The following PDE3A variants were observed in gnomAD, a reference collection of about 807,000 sequenced individuals.
PDE3A encodes the protein phosphodiesterase 3A, also known as cGMP-inhibited 3',5'-cyclic phosphodiesterase 3A.
Under a neutral mutation model 98.3 loss-of-function variants are expected in PDE3A, and 43 were observed. The ratio of observed to expected loss-of-function variants is 0.44; its 90% CI spans 0.34 to 0.56. PDE3A has a LOEUF of 0.56. Ranked by LOEUF, PDE3A falls within the 20% of genes least tolerant of loss-of-function variation. The pLI is 0.01. For synonymous variants in PDE3A, 663 were observed against 567.9 expected (o/e 1.17, Z -2.38); for missense variants, 1,427 against 1,440.7 (o/e 0.99, Z 0.15).
intron 1 of PDE3A, among the ~76,000 whole-genome samples, chr12:20,545,097 T>G (rs1167924526): frequency 6.6e-6 from 1 of 152,014 alleles, no homozygotes; most frequent in East Asian, 1.9e-4. Flanking sequence ...TTATTAATAG[T>G]CTCCAAAATT....
intron 1 of PDE3A, among the ~76,000 whole-genome samples, chr12:20,377,339 A>G (rs1166328554): frequency 6.6e-6 from 1 of 151,882 alleles, no homozygotes; most frequent in Non-Finnish European, 1.5e-5. Context: ...AATATGCTTT[A>G]TTTAACCCAG....
At chr12:20,370,755 C>G (rs1943458331) in intron 1 of PDE3A, among the ~76,000 whole-genome samples, 1 of 152,102 alleles carries the variant, frequency 6.6e-6, no homozygotes, top group South Asian at 2.1e-4. Flanking sequence ...GCAAAGCAAG[C>G]TGTGCTTGAA....
chr12:20,504,730 C>T (rs1266672446), intron 1 of PDE3A, among the ~76,000 whole-genome samples: 1 of 152,030 alleles, frequency 6.6e-6, no homozygotes, highest in East Asian at 1.9e-4. Flanking sequence ...TTCCTTCTCA[C>T]ATCACATCAC....
intron 2 of PDE3A, among the ~76,000 whole-genome samples, chr12:20,604,542 A>G (rs1943667851): frequency 6.6e-6 from 1 of 152,196 alleles, no homozygotes; most frequent in Non-Finnish European, 1.5e-5. Context: ...CTCTTGTTCC[A>G]GGAATGTTAA....
At chr12:20,545,499 G>C (rs1344512874) in intron 1 of PDE3A, among the ~76,000 whole-genome samples, 1 of 151,908 alleles carries the variant, frequency 6.6e-6, no homozygotes, top group Non-Finnish European at 1.5e-5. Context: ...AACTGTGAAA[G>C]GAAAAATATC....
At chr12:20,520,817 G>A (rs999571904) in intron 1 of PDE3A, among the ~76,000 whole-genome samples, 3 of 152,174 alleles carry the variant, frequency 2.0e-5, no homozygotes, top group African/African-American at 7.2e-5. Context: ...GTGTTGTTCT[G>A]AGAAATACTA....
At chr12:20,650,896 T>G (rs1944900693) in intron 14 of PDE3A, among the ~76,000 whole-genome samples, 1 of 152,124 alleles carries the variant, frequency 6.6e-6, no homozygotes, top group African/African-American at 2.4e-5. Flanking sequence ...TTTTATAGAT[T>G]TATTTATTAT....
At chr12:20,444,053 A>G (rs1325452547) in intron 1 of PDE3A, among the ~76,000 whole-genome samples, 1 of 152,192 alleles carries the variant, frequency 6.6e-6, no homozygotes, top group Non-Finnish European at 1.5e-5. Context: ...CTCTACAATT[A>G]TTGAGCACAG....
chr12:20,517,055 G>A (rs547153900), intron 1 of PDE3A, among the ~76,000 whole-genome samples: 2 of 152,206 alleles, frequency 1.3e-5, no homozygotes, highest in African/African-American at 2.4e-5. Context: ...GAATGGCAAA[G>A]TTGCCAGTAA....
intron 15 of PDE3A, among the ~76,000 whole-genome samples, chr12:20,664,553 G>T (rs112715494): frequency 0.021 from 3,172 of 152,244 alleles, 98 homozygotes; most frequent in African/African-American, 0.071. Flanking sequence ...ATTCTCATGT[G>T]TTGTGGAAAG....
intron 1 of PDE3A, among the ~76,000 whole-genome samples, chr12:20,477,532 T>G (rs1945551850): frequency 2.0e-5 from 3 of 152,164 alleles, no homozygotes; most frequent in Admixed American, 2.0e-4. Flanking sequence ...TGCAAAATGT[T>G]AAGGCCGTAA....
At chr12:20,487,583 G>C (rs1945752307) in intron 1 of PDE3A, among the ~76,000 whole-genome samples, 1 of 150,166 alleles carries the variant, frequency 6.7e-6, no homozygotes, top group South Asian at 2.1e-4. Context: ...AACCCAGGAG[G>C]CAGAAGTTGT....
intron 15 of PDE3A, among the ~76,000 whole-genome samples, chr12:20,677,996 G>T (rs1280538558): frequency 6.6e-6 from 1 of 152,100 alleles, no homozygotes; most frequent in Non-Finnish European, 1.5e-5. Flanking sequence ...CCCAGTGGTG[G>T]CAGCAGTGGG....
chr12:20,471,638 T>C (rs1945442024), intron 1 of PDE3A, among the ~76,000 whole-genome samples: 1 of 152,172 alleles, frequency 6.6e-6, no homozygotes, highest in Non-Finnish European at 1.5e-5. Context: ...TCCAGTACTT[T>C]AAATCTCAGA....
chr12:20,392,718 G>A (rs1398001794), intron 1 of PDE3A, among the ~76,000 whole-genome samples: 1 of 151,970 alleles, frequency 6.6e-6, no homozygotes. Flanking sequence ...CTAAGATACA[G>A]AATTAACTTC....
At chr12:20,538,776 C>G (rs996086958) in intron 1 of PDE3A, among the ~76,000 whole-genome samples, 29 of 152,080 alleles carry the variant, frequency 1.9e-4, no homozygotes, top group Non-Finnish European at 1.0e-4. Flanking sequence ...TCCCAAATAG[C>G]TGGGACTATA....
At chr12:20,639,425 A>G (rs1255194249) in intron 9 of PDE3A, among the ~76,000 whole-genome samples, 3 of 152,116 alleles carry the variant, frequency 2.0e-5, no homozygotes, top group African/African-American at 7.2e-5. Context: ...GTAGTTTCAT[A>G]TGACTTGCTA....
rs1942247961 is a variant in PDE3A, at chr12:20,552,735, G to A, written c.961-3925G>A. On this transcript the variant is annotated intron_variant, in intron 1 of 15. Coordinates refer to ENST00000359062, the MANE Select transcript of PDE3A (RefSeq NM_000921.5). The surrounding 1 kb of genome is among the most constrained non-coding windows in gnomAD (Gnocchi z 5.1). ...GGAATGAGGTCCTGGCGTCACTCAA[G>A]GACCGGCCGGCGAGCGGCAGCCCGT... 1.2e-6 allele frequency: 2 copies of A among 1,613,952 alleles called. No homozygotes were observed. The highest frequency in any genetic ancestry group is 1.7e-5 in the Admixed American group (1 of 60,016).
chr12:20,486,014 A>G (rs1945721625), intron 1 of PDE3A, among the ~76,000 whole-genome samples: 1 of 152,190 alleles, frequency 6.6e-6, no homozygotes, highest in African/African-American at 2.4e-5. Context: ...TCCTAATAAA[A>G]TCCAAGGGAT....
Sources: gnomAD v4.1 joint callset for allele counts (sites outside exome capture counted in the v4.1 genomes callset) on GRCh38, gnomAD v4.1.1 for gene constraint, Gnocchi (gnomAD v3.1) non-coding constraint, MANE v1.5 for transcripts, NCBI Gene and HGNC (gene_info 2026-07-23, HGNC 2026-07-21) for gene names.